Variants in IRAK3 observed in about 807,000 individuals in gnomAD.
IRAK3 encodes interleukin 1 receptor associated kinase 3, also known as interleukin-1 receptor-associated kinase 3.
A neutral mutation model predicts 56.6 loss-of-function variants in IRAK3; 57 were observed. That is an observed-to-expected ratio of 1.01 (90% CI 0.81 to 1.26). The LOEUF is 1.26. Among genes scored for constraint, IRAK3 ranks in the 50% most tolerant of loss-of-function variants. IRAK3 has a pLI of 0.00. For missense variants in IRAK3, 703 were observed against 719.0 expected, an observed-to-expected ratio of 0.98 and a Z score of 0.25; for synonymous variants, 258 against 255.7, an observed-to-expected ratio of 1.01 and a Z score of -0.09.
intron 2 of IRAK3, among the ~76,000 whole-genome samples, chr12:66,205,127 A>G (rs993197162): frequency 6.6e-6 from 1 of 152,186 alleles, no homozygotes; most frequent in Non-Finnish European, 1.5e-5. Context: ...GCTGTTCACA[A>G]TACAAACTTA....
chr12:66,197,439 T>C (rs563293421), intron 1 of IRAK3: 1 of 984,700 alleles, frequency 1.0e-6, no homozygotes, highest in African/African-American at 1.7e-5. Flanking sequence ...TTTTATAGAA[T>C]TGGATCTAAA....
chr12:66,247,991 T>C lies in IRAK3; in HGVS notation c.1611T>C (p.Ser537=). The part of the protein sequence containing the change: ...RNEEACNMPS[S]SCEESWFPKY... ...AGGAAGCTTGCAACATGCCCAGTTC[T>C]TCTTGTGAAGAAAGTTGGTTCCCAA... The change falls in exon 12 of 12, where the codon TCT becomes TCC. Residue 537 remains serine (S), a synonymous_variant. Transcript: ENST00000261233. 6.2e-7 allele frequency: 1 copy of C among 1,604,572 alleles called. No homozygotes were observed. The highest frequency in any genetic ancestry group is 8.5e-7 in the Non-Finnish European group (1 of 1,176,214).
chr12:66,245,164 A>G lies in IRAK3; in HGVS notation c.1216A>G (p.Lys406Glu). The G allele has an allele frequency of 6.2e-7, 1 of 1,614,158 alleles. No homozygotes were observed. Among genetic ancestry groups the G allele is most frequent in the Non-Finnish European group, 8.5e-7 (1 of 1,180,024 alleles). ...LDSCLSFLDK[K>E]VPPCPRNFSA... ...TTCATGTCTCTCATTTCTAGATAAG[A>G]AAGTGCCTCCCTGCCCTCGGAATTT... The change falls in exon 11 of 12, where the codon AAA (lysine) becomes GAA (glutamate). Residue 406 changes from lysine (K) to glutamate (E), a missense_variant. Coordinates refer to ENST00000261233, the MANE Select transcript of IRAK3 (RefSeq NM_007199.3).
At chr12:66,217,101 A>G (rs1006716232) in intron 5 of IRAK3, 70 bp from the exon 6 acceptor site, 1 of 1,094,398 alleles carries the variant, frequency 9.1e-7, no homozygotes, top group African/African-American at 1.5e-5. Flanking sequence ...GGGAGACTAT[A>G]GACCCTGGGT....
chr12:66,229,138 T>G (rs994054621), intron 8 of IRAK3, among the ~76,000 whole-genome samples: 1 of 152,232 alleles, frequency 6.6e-6, no homozygotes, highest in Non-Finnish European at 1.5e-5. Flanking sequence ...TGTTTGTCCT[T>G]GAGTCTCCAG....
rs1188206214 is a variant in IRAK3 at position 66,226,983 on chromosome 12, T to C, written c.768+146T>C. 5 of 679,120 alleles carry C rather than the reference T, an allele frequency of 7.4e-6. No individual in the cohort carries two copies. In the East Asian group the frequency reaches 1.1e-4, roughly 15 times the overall value. 42.1% of individuals were successfully genotyped at this position (679,120 alleles called of 1,614,324 possible). ...GGGTTTCCCAAGGAAGCAGTACTTCTTGGATTAATTTCTTACTTTTAGAAG... is the reference window on the plus strand; with the variant it reads ...GGGTTTCCCAAGGAAGCAGTACTTCCTGGATTAATTTCTTACTTTTAGAAG... On this transcript the variant is annotated intron_variant, in intron 7 of 11. Coordinates refer to ENST00000261233, the MANE Select transcript of IRAK3 (RefSeq NM_007199.3).
intron 6 of IRAK3, among the ~76,000 whole-genome samples, chr12:66,220,760 T>A (rs2052724788): frequency 6.6e-6 from 1 of 152,058 alleles, no homozygotes; most frequent in Admixed American, 6.5e-5. Context: ...GACCTCGTGA[T>A]CCGCCCGCCT....
chr12:66,231,853 G>A (rs982083459), intron 8 of IRAK3, among the ~76,000 whole-genome samples: 1 of 152,234 alleles, frequency 6.6e-6, no homozygotes, highest in Admixed American at 6.5e-5. Context: ...ATTCTGACTA[G>A]GCTGAGGAAC....
In IRAK3 at chr12:66,241,992, G is replaced by T. The variant is rs181298058; in HGVS notation, c.888-2494G>T. On this transcript the variant is annotated intron_variant, in intron 8 of 11. Transcript: ENST00000261233. ...TACTTAAAAGATTCAGGGTTTTTTT[G>T]TGTGTGTGTGTGTGTTTCAAAAATT... Among the ~76,000 whole-genome samples the T allele has an allele frequency of 4.3e-3, 653 of 151,646 alleles. 3 individuals carry two copies. The highest frequency in any genetic ancestry group is 0.01 in the African/African-American group (421 of 41,382).
chr12:66,246,246 T>C (rs2053032163), intron 11 of IRAK3, among the ~76,000 whole-genome samples: 1 of 152,092 alleles, frequency 6.6e-6, no homozygotes, highest in Non-Finnish European at 1.5e-5. Flanking sequence ...AGAGAATGAA[T>C]ACCTGCAAAG....
intron 8 of IRAK3, among the ~76,000 whole-genome samples, chr12:66,239,682 A>C (rs1441887958): frequency 1.3e-5 from 2 of 151,980 alleles, no homozygotes; most frequent in Non-Finnish European, 2.9e-5. Context: ...TTTTCCTCAG[A>C]TTTTTCCTGT....
intron 4 of IRAK3, among the ~76,000 whole-genome samples, chr12:66,211,045 G>T (rs2052606131): frequency 6.6e-6 from 1 of 152,206 alleles, no homozygotes; most frequent in Non-Finnish European, 1.5e-5. Flanking sequence ...GTTTCTATCA[G>T]TCATGCTTGG....
At chr12:66,241,884 T>C (rs2052973376) in intron 8 of IRAK3, among the ~76,000 whole-genome samples, 2 of 152,200 alleles carry the variant, frequency 1.3e-5, no homozygotes, top group South Asian at 4.1e-4. Flanking sequence ...GCTGAAAGCA[T>C]CCCACCAGCT....
At chr12:66,221,778 C>G (rs1165520886) in intron 6 of IRAK3, among the ~76,000 whole-genome samples, 1 of 152,098 alleles carries the variant, frequency 6.6e-6, no homozygotes, top group African/African-American at 2.4e-5. Context: ...GCCTGTAATC[C>G]CAGCACTTTG....
rs2053116817 is a variant in IRAK3 at position 66,253,123 on chromosome 12, A to G, written c.*4952A>G. 6.6e-6 allele frequency: 1 copy of G among 152,238 alleles called. No homozygotes were observed. Among genetic ancestry groups the G allele is most frequent in the South Asian group, 2.1e-4 (1 of 4,838 alleles). The allele number at this position is 152,238 out of a possible 1,614,324, so 9.4% of individuals were successfully genotyped here. On this transcript the variant is annotated 3_prime_UTR_variant, in exon 12 of 12. Transcript: ENST00000261233. The stretch of plus-strand genomic sequence containing the variant: ...CAACAAATATTTGTAAAATGAATGA[A>G]TCAAATAGTCCTTCAAAGCATCTTC...
intron 1 of IRAK3, among the ~76,000 whole-genome samples, chr12:66,190,340 A>G (rs1486205037): frequency 6.6e-6 from 1 of 152,222 alleles, no homozygotes; most frequent in East Asian, 1.9e-4. Flanking sequence ...TTATACAAAA[A>G]ATGTTTATAT....
At chr12:66,196,822 T>G in intron 1 of IRAK3, 1 of 1,423,994 alleles carries the variant, frequency 7.0e-7, no homozygotes, top group Non-Finnish European at 9.2e-7. Flanking sequence ...TAAAAAATTG[T>G]CTAATTTTTT....
rs545529930 is a variant in IRAK3, at chr12:66,231,085, G to A, written c.887+2715G>A. Among the ~76,000 whole-genome samples, 15 of 152,344 alleles carry A rather than the reference G, an allele frequency of 9.8e-5. No individual in the cohort carries two copies. In the South Asian group the frequency reaches 3.1e-3, roughly 32 times the overall value. ...GTTGAGAAGTGGTGGGAGTGGCACA[G>A]TGACAGAGGCCAAGTAGTGTGGTGG... On this transcript the variant is annotated intron_variant, in intron 8 of 11. Transcript: ENST00000261233.
At chr12:66,237,427 T>TAAAGG (rs1346821433) in intron 8 of IRAK3, among the ~76,000 whole-genome samples, 22 of 152,320 alleles carry the variant, frequency 1.4e-4, no homozygotes, top group African/African-American at 5.1e-4. Flanking sequence ...TGGAATTATC[T>TAAAGG]ATATACAGCT....
Sources: allele counts gnomAD v4.1 joint callset (sites outside exome capture counted in the v4.1 genomes callset), GRCh38; gene constraint gnomAD v4.1.1; transcripts MANE v1.5; gene names NCBI Gene and HGNC (gene_info 2026-07-23, HGNC 2026-07-21).